The following VPS13D variants were observed in gnomAD, a reference collection of about 807,000 sequenced individuals.
The protein encoded by VPS13D is vacuolar protein sorting 13 homolog D, also known as intermembrane lipid transfer protein VPS13D.
VPS13D carries 187 observed loss-of-function variants against 461.9 expected under a neutral mutation model. That is an observed-to-expected ratio of 0.40 (90% confidence interval 0.36 to 0.46). The LOEUF (loss-of-function observed/expected upper bound fraction) is 0.46, where lower values mean the gene tolerates loss of function less well. Among genes scored for constraint, VPS13D ranks in the 20% least tolerant of loss-of-function variants. VPS13D has a pLI of 0.60. For synonymous variants in VPS13D, 1,951 were observed against 1,986.3 expected (o/e 0.98, Z 0.47); for missense variants, 4,711 against 5,364.9 (o/e 0.88, Z 3.81).
chr1:12,381,982 C>CTTTCTTTCTTTCTT (rs1553185971), intron 57 of VPS13D, among the ~76,000 whole-genome samples: 83 of 124,080 alleles, frequency 6.7e-4, no homozygotes, highest in Middle Eastern at 3.9e-3. Flanking sequence ...TTCTTTCTTT[C>CTTTCTTTCTTTCTT]TCTCTCTCTC....
At chr1:12,310,611 C>T (rs1330881950) in intron 27 of VPS13D, among the ~76,000 whole-genome samples, 2 of 152,184 alleles carry the variant, frequency 1.3e-5, no homozygotes, top group Non-Finnish European at 1.5e-5. Flanking sequence ...CTTTAGTTAC[C>T]ACTAAATCCA....
intron 46 of VPS13D, among the ~76,000 whole-genome samples, chr1:12,353,337 TC>T (rs1235852231): frequency 6.6e-6 from 1 of 151,654 alleles, no homozygotes; most frequent in Non-Finnish European, 1.5e-5. Context: ...ATCAAGACCA[TC>T]CCGGCTAACA....
intron 67 of VPS13D, among the ~76,000 whole-genome samples, chr1:12,488,566 A>G (rs1294785579): frequency 6.6e-6 from 1 of 151,918 alleles, no homozygotes. Flanking sequence ...AAGATTATAT[A>G]ATCATTTGCC....
intron 65 of VPS13D, among the ~76,000 whole-genome samples, chr1:12,433,949 AGTGTGTGT>A (rs563130284): frequency 1.1e-4 from 16 of 144,928 alleles, no homozygotes; most frequent in Admixed American, 1.0e-3. Flanking sequence ...AGAGAGAGAG[AGTGTGTGT>A]GTGTGTGTGT....
chr1:12,483,532 G>A (rs1645753056), intron 67 of VPS13D, among the ~76,000 whole-genome samples: 1 of 151,888 alleles, frequency 6.6e-6, no homozygotes, highest in South Asian at 2.1e-4. Flanking sequence ...CCTTCCAACA[G>A]TTGTCATTTA....
rs1557461741 is a variant in VPS13D, at chr1:12,473,790, G to A, written c.12662+13394G>A. ...TAGAGTGTGAGGACTAGGAGTTCAT[G>A]TGCTTGGCTGGGCTTTTGTCCTTCC... On this transcript the variant is annotated intron_variant, in intron 67 of 69. Transcript: ENST00000620676. The surrounding 1 kb of genome is among the most constrained non-coding windows in gnomAD (Gnocchi z 4.2). 6.6e-6 allele frequency among the ~76,000 whole-genome samples: 1 copy of A among 152,034 alleles called. No individual in the cohort carries two copies. Among genetic ancestry groups the A allele is most frequent in the Non-Finnish European group, 1.5e-5 (1 of 68,024 alleles).
intron 57 of VPS13D, among the ~76,000 whole-genome samples, chr1:12,381,980 T>TTCTTTCTCTC: frequency 7.6e-6 from 1 of 131,272 alleles, no homozygotes; most frequent in African/African-American, 2.9e-5. Flanking sequence ...CTTTCTTTCT[T>TTCTTTCTCTC]TCTCTCTCTC....
intron 65 of VPS13D, among the ~76,000 whole-genome samples, chr1:12,434,108 T>G (rs1374497521): frequency 6.6e-6 from 1 of 152,204 alleles, no homozygotes; most frequent in Non-Finnish European, 1.5e-5. Context: ...CCTGAAATTG[T>G]CATTCATTGT....
At chr1:12,439,078 A>G (rs2100334220) in intron 65 of VPS13D, among the ~76,000 whole-genome samples, 1 of 152,270 alleles carries the variant, frequency 6.6e-6, no homozygotes, top group East Asian at 1.9e-4. Flanking sequence ...ACCTCAGTAC[A>G]ACAACTAGAG....
chr1:12,349,254 G>T lies in VPS13D; in HGVS notation c.9311G>T (p.Gly3104Val). 1 of 1,614,136 alleles carries T rather than the reference G, an allele frequency of 6.2e-7. No individual in the cohort carries two copies. Among genetic ancestry groups the T allele is most frequent in the Non-Finnish European group, 8.5e-7 (1 of 1,180,020 alleles). The change falls in exon 46 of 70, where the codon GGA becomes GTA. Residue 3104 changes from glycine (G) to valine (V), a missense_variant. Transcript: ENST00000620676. Reference protein sequence around the residue: ...TSWRLQARPKGLGVFFCKAPI... With the variant: ...TSWRLQARPKVLGVFFCKAPI... ...TGGCGGCTACAGGCCCGGCCCAAAG[G>T]ATTGGGTGTATTTTTCTGTAAGGCT... is the stretch of plus-strand genomic sequence containing the variant.
intron 1 of VPS13D, among the ~76,000 whole-genome samples, chr1:12,231,524 G>A (rs1639972947): frequency 6.6e-6 from 1 of 152,172 alleles, no homozygotes; most frequent in Non-Finnish European, 1.5e-5. Context: ...CCCTTGATTT[G>A]GAGATAATTG....
chr1:12,353,869 C>T (rs1643863663), intron 46 of VPS13D, 105 bp from the exon 47 acceptor site: 8 of 1,162,840 alleles, frequency 6.9e-6, no homozygotes, highest in African/African-American at 1.6e-5. Flanking sequence ...AATAATTTTA[C>T]TCATTGAACC....
chr1:12,503,184 C>A (rs7546762), intron 68 of VPS13D, among the ~76,000 whole-genome samples: 1 of 152,126 alleles, frequency 6.6e-6, no homozygotes, highest in African/African-American at 2.4e-5. Flanking sequence ...GGCACTGGCT[C>A]CTGGCAGATT....
intron 35 of VPS13D, among the ~76,000 whole-genome samples, chr1:12,325,126 C>T (rs1043418687): frequency 1.3e-5 from 2 of 152,138 alleles, no homozygotes; most frequent in Non-Finnish European, 2.9e-5. Context: ...CTCTGTTGCC[C>T]AGGCTGGAAT....
At chr1:12,408,565 A>T (rs952282989) in intron 63 of VPS13D, among the ~76,000 whole-genome samples, 45 of 152,128 alleles carry the variant, frequency 3.0e-4, no homozygotes, top group Non-Finnish European at 5.6e-4. Flanking sequence ...GAGTTTTACC[A>T]TGTTGCCCAG....
chr1:12,335,766 A>G lies in VPS13D; in HGVS notation c.8490A>G (p.Ile2830Met). Residue 2830 changes from isoleucine (I) to methionine (M), a missense_variant, in exon 39 of 70, where the codon ATA becomes ATG. Coordinates refer to ENST00000620676, the MANE Select transcript of VPS13D (RefSeq NM_015378.4). Reference sequence around the variant, plus strand: ...ATTACTGTAAAGATGACAAGGACATAGAGTCAGCTAAATCAGAAGACTGGA... The same window carrying G: ...ATTACTGTAAAGATGACAAGGACATGGAGTCAGCTAAATCAGAAGACTGGA... ...MADYCKDDKDIESAKSEDWMG... is the reference protein window; with the variant it reads ...MADYCKDDKDMESAKSEDWMG... 5.0e-6 allele frequency: 8 copies of G among 1,614,180 alleles called. No homozygotes were observed. The highest frequency in any genetic ancestry group is 6.8e-6 in the Non-Finnish European group (8 of 1,180,016).
intron 65 of VPS13D, among the ~76,000 whole-genome samples, chr1:12,439,818 G>T (rs958484408): frequency 6.6e-6 from 1 of 152,152 alleles, no homozygotes; most frequent in African/African-American, 2.4e-5. Context: ...AGACACTGAG[G>T]CTCTGAGAAG....
chr1:12,270,910 A>G, intron 16 of VPS13D, 84 bp from the exon 17 acceptor site: 1 of 1,528,284 alleles, frequency 6.5e-7, no homozygotes. Flanking sequence ...TTTGATGGAC[A>G]TTCTTGGTGA....
chr1:12,441,645 G>C (rs1457457354), intron 65 of VPS13D, among the ~76,000 whole-genome samples: 1 of 152,194 alleles, frequency 6.6e-6, no homozygotes, highest in African/African-American at 2.4e-5. Context: ...AGTAGTAGCT[G>C]ATGTTGGCAC....
Sources: allele counts gnomAD v4.1 joint callset (sites outside exome capture counted in the v4.1 genomes callset), GRCh38; gene constraint gnomAD v4.1.1; non-coding constraint Gnocchi (gnomAD v3.1); transcripts MANE v1.5; gene names NCBI Gene and HGNC (gene_info 2026-07-23, HGNC 2026-07-21).